The following TSHZ3 variants were observed in gnomAD, a reference collection of about 807,000 sequenced individuals.
TSHZ3 encodes teashirt homolog 3.
Under a neutral mutation model 64.5 loss-of-function variants are expected in TSHZ3, and 10 were observed. The observed-to-expected ratio is 0.16, with a 90% CI of 0.10 to 0.26. The LOEUF is 0.26. Among genes scored for constraint, TSHZ3 ranks in the 10% least tolerant of loss-of-function variants. TSHZ3 has a pLI of 1.00. For missense variants in TSHZ3, 1,242 were observed against 1,421.7 expected, an observed-to-expected ratio of 0.87 and a Z score of 2.03; for synonymous variants, 608 against 593.1, an observed-to-expected ratio of 1.03 and a Z score of -0.36.
intron 1 of TSHZ3, among the ~76,000 whole-genome samples, chr19:31,322,499 T>C (rs918595428): frequency 6.6e-5 from 10 of 152,134 alleles, no homozygotes; most frequent in African/African-American, 1.9e-4. Context: ...TAGCTTACTA[T>C]AGGCATGAAC....
intron 4 of TSHZ3, among the ~76,000 whole-genome samples, chr19:31,217,046 G>A (rs541430622): frequency 3.3e-5 from 5 of 152,190 alleles, no homozygotes; most frequent in Non-Finnish European, 7.4e-5. Flanking sequence ...TGATCCACCC[G>A]CCTCAGCCTC....
At chr19:31,252,701 C>T (rs1975857978) in intron 1 of TSHZ3, among the ~76,000 whole-genome samples, 1 of 152,186 alleles carries the variant, frequency 6.6e-6, no homozygotes, top group South Asian at 2.1e-4. Flanking sequence ...CCTAAGTCCT[C>T]CCCAGCCATG....
chr19:31,337,892 C>A (rs925762450), intron 1 of TSHZ3, among the ~76,000 whole-genome samples: 1 of 152,172 alleles, frequency 6.6e-6, no homozygotes, highest in African/African-American at 2.4e-5. Context: ...TTCACAAATT[C>A]TAGATTCTCA....
chr19:31,294,291 C>T lies in TSHZ3; in HGVS notation c.41-14539G>A, dbSNP rs960223528. ...AGCCAACACTCAGCGAATTCTCATCCAGGACTCAGCCAGCACTTAGCCAAC... is the reference window on the plus strand; with the variant it reads ...AGCCAACACTCAGCGAATTCTCATCTAGGACTCAGCCAGCACTTAGCCAAC... On this transcript the variant is annotated intron_variant, in intron 1 of 1. Coordinates refer to ENST00000240587, the MANE Select transcript of TSHZ3 (RefSeq NM_020856.4). 2.0e-5 allele frequency among the ~76,000 whole-genome samples: 3 copies of T among 152,122 alleles called. No individual in the cohort carries two copies. In the East Asian group the frequency reaches 5.8e-4, roughly 29 times the overall value.
chr19:31,296,907 G>A (rs1278276427), intron 1 of TSHZ3, among the ~76,000 whole-genome samples: 1 of 152,162 alleles, frequency 6.6e-6, no homozygotes, highest in Non-Finnish European at 1.5e-5. Flanking sequence ...GCTCTCTTCC[G>A]TGGCAGCATT....
intron 3 of TSHZ3, among the ~76,000 whole-genome samples, chr19:31,231,680 T>C (rs1340324981): frequency 6.6e-6 from 1 of 152,206 alleles, no homozygotes; most frequent in Non-Finnish European, 1.5e-5. Flanking sequence ...GAAATCATTA[T>C]TTTAAGAATT....
chr19:31,218,909 G>C (rs1438884095), intron 4 of TSHZ3, among the ~76,000 whole-genome samples: 1 of 152,166 alleles, frequency 6.6e-6, no homozygotes, highest in African/African-American at 2.4e-5. Context: ...CATGGTCTGA[G>C]GTAGTGGGAT....
At chr19:31,160,642 G>T (rs551929697) in intron 5 of TSHZ3, among the ~76,000 whole-genome samples, 1 of 151,396 alleles carries the variant, frequency 6.6e-6, no homozygotes, top group South Asian at 2.1e-4. Context: ...ACACATATTC[G>T]CACACACACA....
chr19:31,278,335 C>T lies in TSHZ3; in HGVS notation c.1458G>A (p.Lys486=). Residue 486 remains lysine, a synonymous_variant, in exon 2 of 2, where the codon AAG becomes AAA. Coordinates refer to ENST00000240587, the MANE Select transcript of TSHZ3 (RefSeq NM_020856.4). This position sits in a 1 kb window ranked among gnomAD's most constrained non-coding sequence, Gnocchi z 4.7. ...KEKAVTDEKP[K]QKDKPGEEEE... ...CTTCTTCGCCAGGCTTGTCTTTTTG[C>T]TTAGGTTTCTCGTCAGTGACCGCTT... 1 of 1,614,168 alleles carries T rather than the reference C, an allele frequency of 6.2e-7. No homozygotes were observed. The highest frequency in any genetic ancestry group is 1.3e-5 in the African/African-American group (1 of 75,040).
intron 1 of TSHZ3, among the ~76,000 whole-genome samples, chr19:31,268,834 C>T (rs963229161): frequency 2.6e-5 from 4 of 152,236 alleles, no homozygotes; most frequent in South Asian, 2.1e-4. Context: ...CTCACCTTTA[C>T]GGCTGCCTCC....
At chr19:31,323,051 G>C (rs570388587) in intron 1 of TSHZ3, among the ~76,000 whole-genome samples, 1 of 152,304 alleles carries the variant, frequency 6.6e-6, no homozygotes, top group East Asian at 1.9e-4. Context: ...AATGTGTTGG[G>C]TTGGTATTGT....
At chr19:31,228,775 C>A (rs918248517) in intron 3 of TSHZ3, among the ~76,000 whole-genome samples, 3 of 152,066 alleles carry the variant, frequency 2.0e-5, no homozygotes, top group African/African-American at 7.2e-5. Context: ...GCAGAGCCTG[C>A]ACAGAAGGAT....
At chr19:31,235,830 T>C (rs1975607527) in intron 3 of TSHZ3, among the ~76,000 whole-genome samples, 1 of 149,024 alleles carries the variant, frequency 6.7e-6, no homozygotes, top group Non-Finnish European at 1.5e-5. Context: ...CATGCATGCC[T>C]CAGCCTCCAA....
intron 1 of TSHZ3, among the ~76,000 whole-genome samples, chr19:31,257,543 G>A (rs1364262586): frequency 6.6e-6 from 1 of 152,196 alleles, no homozygotes; most frequent in African/African-American, 2.4e-5. Flanking sequence ...CCCTCTGGAG[G>A]ACCCCGTGAA....
intron 5 of TSHZ3, among the ~76,000 whole-genome samples, chr19:31,201,571 C>T (rs1292967685): frequency 6.6e-6 from 1 of 152,186 alleles, no homozygotes; most frequent in African/African-American, 2.4e-5. Context: ...AAGCAGTCTA[C>T]GTGGCCATGG....
chr19:31,195,575 T>C lies in TSHZ3; in HGVS notation n.809+9381A>G, dbSNP rs1169948640. 5 of 152,102 alleles carry C rather than the reference T, an allele frequency of 3.3e-5. No homozygotes were observed. In the East Asian group the frequency reaches 9.6e-4, roughly 29 times the overall value. 9.4% of individuals were successfully genotyped at this position (152,102 alleles called of 1,614,324 possible). A position where few individuals can be genotyped will look rare whatever the true frequency, so the allele number is the denominator to read the frequency against. ...GGATTCTTTTATTTATTTATTTATTTATTTTTGCCAGCAGACCTGCCTTGC... is the reference window on the plus strand; with the variant it reads ...GGATTCTTTTATTTATTTATTTATTCATTTTTGCCAGCAGACCTGCCTTGC... On this transcript the variant is annotated intron_variant and non_coding_transcript_variant, in intron 5 of 6. Coordinates refer to the TSHZ3 transcript ENST00000651361.
chr19:31,292,699 C>A (rs945193950), intron 1 of TSHZ3, among the ~76,000 whole-genome samples: 1 of 151,346 alleles, frequency 6.6e-6, no homozygotes, highest in Non-Finnish European at 1.5e-5. Context: ...ATCTATCCAT[C>A]CAAAAACCTA....
chr19:31,306,237 G>T (rs780759018), intron 1 of TSHZ3, among the ~76,000 whole-genome samples: 10 of 152,164 alleles, frequency 6.6e-5, no homozygotes, highest in Non-Finnish European at 1.5e-4. Flanking sequence ...CAGGTGACGC[G>T]GCGGGCTGGG....
intron 3 of TSHZ3, among the ~76,000 whole-genome samples, chr19:31,235,699 CTTTTTTTTTTT>C (rs34677399): frequency 1.7e-5 from 1 of 59,570 alleles, no homozygotes; most frequent in Non-Finnish European, 3.3e-5. Flanking sequence ...TCCTCTTCTT[CTTTTTTTTTTT>C]TTTTTTTTTT....
Sources: gnomAD v4.1 joint callset for allele counts (sites outside exome capture counted in the v4.1 genomes callset) on GRCh38, gnomAD v4.1.1 for gene constraint, Gnocchi (gnomAD v3.1) non-coding constraint, MANE v1.5 for transcripts, NCBI Gene and HGNC (gene_info 2026-07-23, HGNC 2026-07-21) for gene names.